The following SRC variants were observed in gnomAD, a reference collection of about 807,000 sequenced individuals.
SRC encodes proto-oncogene tyrosine-protein kinase Src.
SRC carries 13 observed loss-of-function variants against 62.9 expected under a neutral mutation model. The ratio of observed to expected loss-of-function variants is 0.21; its 90% CI spans 0.13 to 0.33. The LOEUF (loss-of-function observed/expected upper bound fraction) is 0.33. Ranked by LOEUF, SRC falls within the 10% of genes least tolerant of loss-of-function variation. SRC has a pLI of 1.00. For synonymous variants in SRC, 302 were observed against 317.5 expected (o/e 0.95, Z 0.52); for missense variants, 457 against 737.3 (o/e 0.62, Z 4.40).
At chr20:37,350,480 C>G (rs2069785845) in intron 1 of SRC, among the ~76,000 whole-genome samples, 1 of 152,126 alleles carries the variant, frequency 6.6e-6, no homozygotes, top group African/African-American at 2.4e-5. Context: ...TACCTTAGGT[C>G]CCCACCTGGT....
upstream of SRC, among the ~76,000 whole-genome samples, chr20:37,345,409 G>A (rs2069702424): frequency 6.6e-6 from 1 of 152,168 alleles, no homozygotes; most frequent in South Asian, 2.1e-4. Context: ...AAGTGTGACT[G>A]CCACTCAGAT....
At chr20:37,378,860 G>A (rs2070316180) in intron 2 of SRC, among the ~76,000 whole-genome samples, 1 of 152,178 alleles carries the variant, frequency 6.6e-6, no homozygotes, top group South Asian at 2.1e-4. Flanking sequence ...GTGGAGGGGA[G>A]GAATGCGCTT....
At chr20:37,387,416 G>C (rs1026346521) in intron 5 of SRC, among the ~76,000 whole-genome samples, 1 of 152,200 alleles carries the variant, frequency 6.6e-6, no homozygotes, top group Non-Finnish European at 1.5e-5. Context: ...GGAGGGGGCT[G>C]TCTCCATTTT....
Position 37,384,163 on chromosome 20 carries a change from A to T in SRC, c.10A>T (p.Asn4Tyr). Residue 4 changes from asparagine (N) to tyrosine (Y), a missense_variant, in exon 4 of 14, where the codon AAC (asparagine) becomes TAC (tyrosine). Physicochemically the swap from Asn to Tyr is moderately radical, Grantham distance 143. Transcript: ENST00000373578. This position sits in a 1 kb window ranked among gnomAD's most constrained non-coding sequence, Gnocchi z 6.7. MGS[N>Y]KSKPKDASQR... ...CTCTCCTGCCAGGACCATGGGTAGC[A>T]ACAAGAGCAAGCCCAAGGATGCCAG... 1 of 1,600,846 alleles carries T rather than the reference A, an allele frequency of 6.2e-7. No homozygotes were observed. The highest frequency in any genetic ancestry group is 8.5e-7 in the Non-Finnish European group (1 of 1,176,820).
At chr20:37,363,620 A>G (rs1382857067) in intron 1 of SRC, among the ~76,000 whole-genome samples, 13 of 152,102 alleles carry the variant, frequency 8.5e-5, no homozygotes, top group African/African-American at 3.1e-4. Flanking sequence ...GGGAGCGTGA[A>G]CCCCGGGCGG....
chr20:37,370,391 A>G (rs1433847959), intron 2 of SRC, among the ~76,000 whole-genome samples: 1 of 152,216 alleles, frequency 6.6e-6, no homozygotes, highest in Non-Finnish European at 1.5e-5. Context: ...CCTGGCCAAC[A>G]TGGCGAAACC....
intron 4 of SRC, among the ~76,000 whole-genome samples, chr20:37,385,169 G>GAGACACACACACAAGACAC (rs11467123): frequency 3.0e-4 from 45 of 152,132 alleles, no homozygotes; most frequent in African/African-American, 1.1e-3. Flanking sequence ...AGCGCATTCA[G>GAGACACACACACAAGACAC]AGACACACGC....
chr20:37,373,175 C>T (rs953922933), intron 2 of SRC, among the ~76,000 whole-genome samples: 9 of 144,182 alleles, frequency 6.2e-5, no homozygotes, highest in East Asian at 2.0e-4. Context: ...TATATGTACA[C>T]ACATACACAT....
At chr20:37,376,071 G>T (rs1282864047) in intron 2 of SRC, among the ~76,000 whole-genome samples, 1 of 152,212 alleles carries the variant, frequency 6.6e-6, no homozygotes, top group Non-Finnish European at 1.5e-5. Flanking sequence ...GCTTCAACAT[G>T]TGAATCTGGG....
Position 37,351,434 on chromosome 20 carries a change from G to A in SRC, c.-247+5179G>A, listed in dbSNP as rs997736148. 6.6e-6 allele frequency among the ~76,000 whole-genome samples: 1 copy of A among 152,108 alleles called. No individual in the cohort carries two copies. Among genetic ancestry groups the A allele is most frequent in the Non-Finnish European group, 1.5e-5 (1 of 68,028 alleles). ...TCATGTAGGGGTGGGGATGTCTGTG[G>A]TGGGTGGGTGGTGATATTTGTGGAC... is the stretch of plus-strand genomic sequence containing the variant. On this transcript the variant is annotated intron_variant, in intron 1 of 13. Transcript: ENST00000373578. This position sits in a 1 kb window ranked among gnomAD's most constrained non-coding sequence, Gnocchi z 4.4.
chr20:37,377,399 T>G (rs2147015130), intron 2 of SRC, among the ~76,000 whole-genome samples: 1 of 152,332 alleles, frequency 6.6e-6, no homozygotes, highest in South Asian at 2.1e-4. Flanking sequence ...GAGTCCTCAC[T>G]CTCAGCTCCT....
intron 1 of SRC, among the ~76,000 whole-genome samples, chr20:37,349,069 C>T (rs2041372722): frequency 6.6e-6 from 1 of 152,130 alleles, no homozygotes; most frequent in South Asian, 2.1e-4. Flanking sequence ...GGAGTTTGGC[C>T]TTCATTGTCA....
At chr20:37,357,054 C>G (rs919214790) in intron 1 of SRC, among the ~76,000 whole-genome samples, 1 of 152,206 alleles carries the variant, frequency 6.6e-6, no homozygotes, top group African/African-American at 2.4e-5. Flanking sequence ...GTTGCCCCAG[C>G]CGGCTCGGGG....
Position 37,386,512 on chromosome 20 carries a change from G to T in SRC, c.350+338G>T, listed in dbSNP as rs2070457766. On this transcript the variant is annotated intron_variant, in intron 5 of 13. Coordinates refer to ENST00000373578, the MANE Select transcript of SRC (RefSeq NM_198291.3). The stretch of plus-strand genomic sequence containing the variant: ...TGCTCCGTGGGCGGCGGGCTGGGCG[G>T]GGTGCTTCGCGGGGGGTGGGGGCTG... The T allele has an allele frequency of 5.6e-6, 4 of 711,944 alleles. No homozygotes were observed. In the East Asian group the frequency reaches 8.0e-5, roughly 14 times the overall value. The allele number at this position is 711,944 out of a possible 1,614,324, so 44.1% of individuals were successfully genotyped here.
At chr20:37,385,847 C>T (rs566691576) in intron 4 of SRC, among the ~76,000 whole-genome samples, 4 of 152,364 alleles carry the variant, frequency 2.6e-5, no homozygotes, top group South Asian at 4.1e-4. Flanking sequence ...GGGACGGACG[C>T]GGACAGGAAG....
At chr20:37,352,610 G>A (rs2069822212) in intron 1 of SRC, among the ~76,000 whole-genome samples, 1 of 152,186 alleles carries the variant, frequency 6.6e-6, no homozygotes, top group Admixed American at 6.5e-5. Context: ...CTCTTCAAAG[G>A]TGGATTCTAT....
At chr20:37,361,217 C>T (rs896845481) in intron 1 of SRC, among the ~76,000 whole-genome samples, 1 of 152,128 alleles carries the variant, frequency 6.6e-6, no homozygotes, top group Non-Finnish European at 1.5e-5. Context: ...TGGGAGCTTG[C>T]GGCAGGCCCC....
intron 1 of SRC, among the ~76,000 whole-genome samples, chr20:37,354,573 C>G (rs926672993): frequency 2.6e-5 from 4 of 152,172 alleles, no homozygotes; most frequent in African/African-American, 9.7e-5. Flanking sequence ...CTCTTAGAAG[C>G]CACCCTAGGC....
chr20:37,401,142 G>A (rs1035463441), intron 10 of SRC, among the ~76,000 whole-genome samples: 10 of 151,968 alleles, frequency 6.6e-5, no homozygotes, highest in Non-Finnish European at 1.3e-4. Flanking sequence ...GACTACAGGT[G>A]CACAACATCC....
Sources: allele counts gnomAD v4.1 joint callset (sites outside exome capture counted in the v4.1 genomes callset), GRCh38; gene constraint gnomAD v4.1.1; non-coding constraint Gnocchi (gnomAD v3.1); transcripts MANE v1.5; gene names NCBI Gene and HGNC (gene_info 2026-07-23, HGNC 2026-07-21).